Variants in RABGAP1L observed in about 807,000 individuals in gnomAD.
RABGAP1L encodes the protein RAB GTPase activating protein 1 like.
In RABGAP1L, 63 loss-of-function variants were observed where a neutral mutation model predicts 137.7. The observed-to-expected ratio is 0.46, with a 90% CI of 0.37 to 0.56. The LOEUF is 0.56. Among genes scored for constraint, RABGAP1L ranks in the 20% least tolerant of loss-of-function variants. The pLI, the probability that RABGAP1L is intolerant of heterozygous loss-of-function variation, is 0.00. For synonymous variants in RABGAP1L, 431 were observed against 433.7 expected (o/e 0.99, Z 0.08); for missense variants, 1,095 against 1,244.0 (o/e 0.88, Z 1.80).
chr1:174,261,849 C>T (rs1004190712), intron 7 of RABGAP1L, among the ~76,000 whole-genome samples: 2 of 152,098 alleles, frequency 1.3e-5, no homozygotes, highest in Non-Finnish European at 2.9e-5. Flanking sequence ...TGAATTAGTA[C>T]GTTTATGAAC....
intron 14 of RABGAP1L, among the ~76,000 whole-genome samples, chr1:174,669,165 C>A (rs1366825013): frequency 6.6e-6 from 1 of 152,074 alleles, no homozygotes; most frequent in Non-Finnish European, 1.5e-5. Context: ...GGAAGCAAGG[C>A]ACCTTCTTCA....
In RABGAP1L at chr1:174,557,991, A is replaced by G. The variant is rs55895977; in HGVS notation, c.1711-79384A>G. 5.8e-3 allele frequency among the ~76,000 whole-genome samples: 877 copies of G among 152,326 alleles called. 8 individuals are homozygous for G. Among genetic ancestry groups the G allele is most frequent in the African/African-American group, 0.02 (837 of 41,582 alleles). Reference sequence around the variant, plus strand: ...ACTCCAGCTTAATCCTTGTATTTTAACTATTCCCAATTTAAAGAGTTACAC... The same window carrying G: ...ACTCCAGCTTAATCCTTGTATTTTAGCTATTCCCAATTTAAAGAGTTACAC... On this transcript the variant is annotated intron_variant, in intron 13 of 25. Transcript: ENST00000681986.
chr1:174,450,280 A>G (rs548023687), intron 13 of RABGAP1L, among the ~76,000 whole-genome samples: 1 of 152,258 alleles, frequency 6.6e-6, no homozygotes, highest in South Asian at 2.1e-4. Flanking sequence ...TGTTAGGTCT[A>G]CGATAGCTTA....
At chr1:174,250,910 C>T (rs2148594549) in intron 6 of RABGAP1L, among the ~76,000 whole-genome samples, 1 of 152,272 alleles carries the variant, frequency 6.6e-6, no homozygotes, top group Non-Finnish European at 1.5e-5. Context: ...CAGTGATTCT[C>T]CTGCCTCGGC....
chr1:174,699,792 T>TGTAG, intron 16 of RABGAP1L, 142 bp downstream of exon 16: 23 of 767,994 alleles, frequency 3.0e-5, no homozygotes, highest in Non-Finnish European at 4.4e-5. Flanking sequence ...TTCAGACCAA[T>TGTAG]ATCTACATTG....
At chr1:174,931,701 G>A (rs1663820414) in intron 19 of RABGAP1L, among the ~76,000 whole-genome samples, 1 of 152,146 alleles carries the variant, frequency 6.6e-6, no homozygotes, top group Admixed American at 6.5e-5. Flanking sequence ...TTTACCACTT[G>A]CCATCGGTCT....
chr1:174,969,445 C>A, intron 21 of RABGAP1L, 58 bp downstream of exon 21: 2 of 1,258,998 alleles, frequency 1.6e-6, no homozygotes, highest in Non-Finnish European at 2.3e-6. Flanking sequence ...GATTTGCCCT[C>A]ATCACCGCCC....
At chr1:174,711,754 G>A (rs1680541869) in intron 17 of RABGAP1L, among the ~76,000 whole-genome samples, 1 of 152,228 alleles carries the variant, frequency 6.6e-6, no homozygotes, top group Non-Finnish European at 1.5e-5. Context: ...CCGGGGGCCT[G>A]GTCACACCAA....
In RABGAP1L at chr1:174,317,815, A is replaced by AC. The variant is rs372723722; in HGVS notation, c.1465+12690dup. On this transcript the variant is annotated intron_variant, in intron 11 of 25. Transcript: ENST00000681986. ...AAGGTCTGCAGGAACTCAAATTTGT[A>AC]CCGCTGGGGTCAGGGATTTCCCTTT... Among the ~76,000 whole-genome samples the AC allele has an allele frequency of 5.8e-3, 886 of 152,186 alleles. 17 individuals are homozygous for AC. Among genetic ancestry groups the AC allele is most frequent in the South Asian group, 0.055 (264 of 4,814 alleles).
At chr1:174,968,668 G>C (rs746342083) in intron 20 of RABGAP1L, among the ~76,000 whole-genome samples, 4 of 151,964 alleles carry the variant, frequency 2.6e-5, no homozygotes, top group African/African-American at 4.8e-5. Context: ...AAAAAAACTA[G>C]ATATCTTATG....
Position 174,252,469 on chromosome 1 carries a change from G to T in RABGAP1L, c.876-11G>T. 1.2e-6 allele frequency: 2 copies of T among 1,605,474 alleles called. No homozygotes were observed. The highest frequency in any genetic ancestry group is 2.2e-5 in the South Asian group (2 of 89,100). On this transcript the variant is annotated splice_polypyrimidine_tract_variant and intron_variant, in intron 6 of 25. Transcript: ENST00000681986. Reference sequence around the variant, plus strand: ...ATTATTGGTAATTCCTATTCCTTTTGAATATTTCAGCCCTGTGCCTAAGGA... The same window carrying T: ...ATTATTGGTAATTCCTATTCCTTTTTAATATTTCAGCCCTGTGCCTAAGGA...
At chr1:174,973,972 G>GTTTTTTT (rs1558297301) in intron 21 of RABGAP1L, among the ~76,000 whole-genome samples, 15 of 94,224 alleles carry the variant, frequency 1.6e-4, no homozygotes, top group African/African-American at 7.2e-4. Flanking sequence ...CAGTACAATT[G>GTTTTTTT]TTTTTTGTTT....
chr1:174,440,205 G>C (rs1653960735), intron 13 of RABGAP1L, among the ~76,000 whole-genome samples: 1 of 152,136 alleles, frequency 6.6e-6, no homozygotes, highest in South Asian at 2.1e-4. Flanking sequence ...AGACTGGATG[G>C]ATGCATAGAG....
intron 1 of RABGAP1L, among the ~76,000 whole-genome samples, chr1:174,196,557 G>T (rs1667707013): frequency 6.7e-6 from 1 of 150,204 alleles, no homozygotes. Flanking sequence ...AAAATTTTTT[G>T]AGTTTTTAAT....
intron 14 of RABGAP1L, among the ~76,000 whole-genome samples, chr1:174,643,854 A>G (rs1047660396): frequency 6.6e-6 from 1 of 152,100 alleles, no homozygotes; most frequent in East Asian, 1.9e-4. Flanking sequence ...AACACTAAAT[A>G]TATGCACACA....
chr1:174,216,315 C>G (rs929645596), intron 1 of RABGAP1L, among the ~76,000 whole-genome samples: 1 of 152,100 alleles, frequency 6.6e-6, no homozygotes, highest in Non-Finnish European at 1.5e-5. Flanking sequence ...TTGCTTCTAA[C>G]ACAAAGGATA....
At chr1:174,299,900 C>T (rs1677501147) in intron 10 of RABGAP1L, among the ~76,000 whole-genome samples, 1 of 152,082 alleles carries the variant, frequency 6.6e-6, no homozygotes, top group Non-Finnish European at 1.5e-5. Flanking sequence ...TATTATAAAC[C>T]ATCTTTTGAA....
intron 19 of RABGAP1L, among the ~76,000 whole-genome samples, chr1:174,930,196 T>C (rs919256029): frequency 3.3e-5 from 5 of 152,016 alleles, no homozygotes; most frequent in Non-Finnish European, 5.9e-5. Context: ...ATTTTATGTA[T>C]TTACTTATGA....
chr1:174,350,151 T>C (rs1268938907), intron 11 of RABGAP1L, among the ~76,000 whole-genome samples: 3 of 111,330 alleles, frequency 2.7e-5, no homozygotes, highest in African/African-American at 3.6e-5. Flanking sequence ...ACCCCCCACC[T>C]CCCTCCCGGA....
Sources: allele counts gnomAD v4.1 joint callset (sites outside exome capture counted in the v4.1 genomes callset), GRCh38; gene constraint gnomAD v4.1.1; transcripts MANE v1.5; gene names NCBI Gene and HGNC (gene_info 2026-07-23, HGNC 2026-07-21).